COLEC12: variants seen among roughly 807,000 people sequenced by gnomAD.
COLEC12 encodes collectin subfamily member 12.
A neutral mutation model predicts 71.1 loss-of-function variants in COLEC12; 33 were observed. That is an observed-to-expected ratio of 0.46 (90% confidence interval 0.35 to 0.62). The LOEUF is 0.62. Among genes scored for constraint, COLEC12 ranks in the 20% least tolerant of loss-of-function variants. The pLI is 0.00. For missense variants in COLEC12, 765 were observed against 916.1 expected, an observed-to-expected ratio of 0.84 and a Z score of 2.13; for synonymous variants, 350 against 353.0, an observed-to-expected ratio of 0.99 and a Z score of 0.10.
At position 335,139 on chromosome 18, in the gene COLEC12, C is replaced by G. The variant is rs1914088168; in HGVS notation, c.1419G>C (p.Gly473=). The G allele has an allele frequency of 6.2e-7, 1 of 1,612,802 alleles. No homozygotes were observed. Among genetic ancestry groups the G allele is most frequent in the Non-Finnish European group, 8.5e-7 (1 of 1,179,580 alleles). ...CCGCAGGGCCAGGTGGTCCAGGCTC[C>G]CCCTTCTCTCCTTTCTGTCCCTTGT... ...TGNKGQKGEK[G]EPGPPGPAGE... is the part of the protein sequence containing the mutation. The change falls in exon 6 of 10, where the codon GGG becomes GGC. Residue 473 remains glycine (G), a synonymous_variant. Coordinates refer to ENST00000400256, the MANE Select transcript of COLEC12 (RefSeq NM_130386.3).
Position 399,734 on chromosome 18 carries a change from G to A in COLEC12, c.59-42212C>T, listed in dbSNP as rs879430100. Among the ~76,000 whole-genome samples the A allele has an allele frequency of 2.0e-5, 3 of 152,168 alleles. No homozygotes were observed. The highest frequency in any genetic ancestry group is 2.9e-5 in the Non-Finnish European group (2 of 68,034). On this transcript the variant is annotated intron_variant, in intron 2 of 9. Coordinates refer to ENST00000400256, the MANE Select transcript of COLEC12 (RefSeq NM_130386.3). This position sits in a 1 kb window ranked among gnomAD's most constrained non-coding sequence, Gnocchi z 4.0. ...GGATGCGGAATTTGGGGTGGATGCCGAGCGCTGGGAAGGAATATGCCCTCG... is the reference window on the plus strand; with the variant it reads ...GGATGCGGAATTTGGGGTGGATGCCAAGCGCTGGGAAGGAATATGCCCTCG...
chr18:496,706 T>C (rs944787055), intron 1 of COLEC12, among the ~76,000 whole-genome samples: 1 of 152,202 alleles, frequency 6.6e-6, no homozygotes, highest in Admixed American at 6.5e-5. Flanking sequence ...TGCACAAAAG[T>C]ACAAAAATAA....
intron 2 of COLEC12, among the ~76,000 whole-genome samples, chr18:360,696 G>A (rs1914725961): frequency 6.6e-6 from 1 of 152,186 alleles, no homozygotes; most frequent in Non-Finnish European, 1.5e-5. Flanking sequence ...GTGGCAACTG[G>A]TCTGAGGACC....
At chr18:384,278 C>G (rs1388437634) in intron 2 of COLEC12, among the ~76,000 whole-genome samples, 2 of 152,100 alleles carry the variant, frequency 1.3e-5, no homozygotes, top group African/African-American at 4.8e-5. Context: ...TTGAGAACAA[C>G]TGCTCCAGAA....
chr18:320,320 C>A (rs1009112059), intron 9 of COLEC12, among the ~76,000 whole-genome samples: 3 of 152,272 alleles, frequency 2.0e-5, no homozygotes, highest in Middle Eastern at 3.4e-3. Context: ...AATGGCCAAA[C>A]AAAGCATACA....
chr18:362,199 A>G lies in COLEC12; in HGVS notation c.59-4677T>C, dbSNP rs618671. Among the ~76,000 whole-genome samples the G allele has an allele frequency of 0.52, 79,197 of 151,944 alleles. 21,126 individuals are homozygous for G. The highest frequency in any genetic ancestry group is 0.55 in the South Asian group (2,646 of 4,812). Reference sequence around the variant, plus strand: ...GACAGCTGTCACTGGTTCACATTCCAAAGAGCTGGGGCACTTCCTCACCGT... The same window carrying G: ...GACAGCTGTCACTGGTTCACATTCCGAAGAGCTGGGGCACTTCCTCACCGT... On this transcript the variant is annotated intron_variant, in intron 2 of 9. Coordinates refer to ENST00000400256, the MANE Select transcript of COLEC12 (RefSeq NM_130386.3). This position sits in a 1 kb window ranked among gnomAD's most constrained non-coding sequence, Gnocchi z 4.6.
rs961150532 is a variant in COLEC12, at chr18:319,298, G to A, written c.*747C>T. The A allele has an allele frequency of 3.0e-5, 4 of 134,306 alleles. No homozygotes were observed. Among genetic ancestry groups the A allele is most frequent in the Non-Finnish European group, 4.7e-5 (3 of 64,428 alleles). 8.3% of individuals were successfully genotyped at this position (134,306 alleles called of 1,614,324 possible). On this transcript the variant is annotated 3_prime_UTR_variant, in exon 10 of 10. Transcript: ENST00000400256. ...TATTTCTAGACATTCCAAGTGATTG[G>A]TTCCTCTGAGGAAATGAAACATTAA...
In COLEC12 at chr18:399,819, G is replaced by A. The variant is rs964342339; in HGVS notation, c.59-42297C>T. Reference sequence around the variant, plus strand: ...AGGCTGAGGGCAGATATGTGGTGAGGACTATGCTGGTGCACTTGGCAAATT... The same window carrying A: ...AGGCTGAGGGCAGATATGTGGTGAGAACTATGCTGGTGCACTTGGCAAATT... On this transcript the variant is annotated intron_variant, in intron 2 of 9. Coordinates refer to ENST00000400256, the MANE Select transcript of COLEC12 (RefSeq NM_130386.3). The surrounding 1 kb of genome is among the most constrained non-coding windows in gnomAD (Gnocchi z 4.0). Among the ~76,000 whole-genome samples, 72 of 152,244 alleles carry A rather than the reference G, an allele frequency of 4.7e-4. No individual in the cohort carries two copies. Among genetic ancestry groups the A allele is most frequent in the African/African-American group, 1.7e-3 (72 of 41,540 alleles).
At chr18:451,863 G>A (rs1916768995) in intron 2 of COLEC12, among the ~76,000 whole-genome samples, 1 of 152,196 alleles carries the variant, frequency 6.6e-6, no homozygotes, top group Non-Finnish European at 1.5e-5. Flanking sequence ...CCATTTCCAG[G>A]GGGAGGAAAT....
chr18:422,542 G>A (rs539919068), intron 2 of COLEC12, among the ~76,000 whole-genome samples: 1 of 152,146 alleles, frequency 6.6e-6, no homozygotes, highest in South Asian at 2.1e-4. Context: ...TTCAAACAAG[G>A]AGCAATATAT....
intron 2 of COLEC12, among the ~76,000 whole-genome samples, chr18:455,549 T>C (rs1246210408): frequency 1.3e-5 from 2 of 152,160 alleles, no homozygotes; most frequent in Non-Finnish European, 2.9e-5. Flanking sequence ...TACATAGGTA[T>C]ACATGTGCCA....
chr18:498,372 T>C (rs1430003436), intron 1 of COLEC12, among the ~76,000 whole-genome samples: 7 of 147,764 alleles, frequency 4.7e-5, no homozygotes, highest in Non-Finnish European at 1.0e-4. Flanking sequence ...TCTTTTTTTT[T>C]TTTTTAGACG....
intron 2 of COLEC12, among the ~76,000 whole-genome samples, chr18:360,912 G>T (rs1047612572): frequency 6.6e-6 from 1 of 151,990 alleles, no homozygotes; most frequent in African/African-American, 2.4e-5. Context: ...GTATGTCTCA[G>T]CACCGTCTCT....
chr18:430,274 C>A (rs886527759), intron 2 of COLEC12, among the ~76,000 whole-genome samples: 1 of 151,234 alleles, frequency 6.6e-6, no homozygotes, highest in Non-Finnish European at 1.5e-5. Context: ...GCAGAGGTTG[C>A]AGTGAGCTGA....
intron 2 of COLEC12, among the ~76,000 whole-genome samples, chr18:470,213 C>T (rs7228966): frequency 0.38 from 54,514 of 143,048 alleles, 11,177 homozygotes; most frequent in South Asian, 0.61. Flanking sequence ...TCACTTGAGG[C>T]CAGGAAATTT....
chr18:477,945 G>T (rs546284939), intron 2 of COLEC12, among the ~76,000 whole-genome samples: 1 of 152,298 alleles, frequency 6.6e-6, no homozygotes, highest in African/African-American at 2.4e-5. Context: ...AATGGTTAAA[G>T]TTTAACCATG....
intron 2 of COLEC12, chr18:423,988 G>A (rs1042575209): frequency 1.3e-5 from 2 of 152,066 alleles, no homozygotes; most frequent in African/African-American, 2.4e-5. Context: ...CTTCCAAATG[G>A]GAGGGAAAAG....
chr18:486,602 T>C (rs2341747), intron 1 of COLEC12, among the ~76,000 whole-genome samples: 62,241 of 152,090 alleles, frequency 0.41, 13,401 homozygotes, highest in African/African-American at 0.51. Context: ...GACACAGGTC[T>C]GTGGGACTCA....
intron 2 of COLEC12, among the ~76,000 whole-genome samples, chr18:397,465 T>C (rs972259374): frequency 4.6e-5 from 7 of 152,216 alleles, no homozygotes; most frequent in Non-Finnish European, 7.3e-5. Context: ...TTCATCCCTG[T>C]GTCCTAGTTA....
Sources: allele counts gnomAD v4.1 joint callset (sites outside exome capture counted in the v4.1 genomes callset), GRCh38; gene constraint gnomAD v4.1.1; non-coding constraint Gnocchi (gnomAD v3.1); transcripts MANE v1.5; gene names NCBI Gene and HGNC (gene_info 2026-07-23, HGNC 2026-07-21).